Variants in TNRC6B observed in about 807,000 individuals in gnomAD.
TNRC6B encodes trinucleotide repeat containing adaptor 6B.
TNRC6B carries 52 observed loss-of-function variants against 203.6 expected under a neutral mutation model. The ratio of observed to expected loss-of-function variants is 0.26; its 90% CI spans 0.20 to 0.32. The LOEUF (loss-of-function observed/expected upper bound fraction) is 0.32. Among genes scored for constraint, TNRC6B ranks in the 10% least tolerant of loss-of-function variants. The probability of loss-of-function intolerance (pLI) is 1.00; values close to 1 mark genes in which losing one functional copy is unlikely to be tolerated. For missense variants in TNRC6B, 1,923 were observed against 2,286.2 expected, an observed-to-expected ratio of 0.84 and a Z score of 3.24; for synonymous variants, 838 against 845.7, an observed-to-expected ratio of 0.99 and a Z score of 0.16.
intron 3 of TNRC6B, chr22:40,253,555 TAC>T (rs969132855): frequency 2.2e-6 from 1 of 455,364 alleles, no homozygotes. Flanking sequence ...TATAATGAAA[TAC>T]AGTTTCACAG....
intron 12 of TNRC6B, among the ~76,000 whole-genome samples, chr22:40,294,073 C>CAAAAAAAAAAA (rs11354611): frequency 2.5e-5 from 2 of 80,328 alleles, no homozygotes; most frequent in Non-Finnish European, 4.7e-5. Flanking sequence ...CCCATCTCTA[C>CAAAAAAAAAAA]AAAAAAAAAA....
chr22:40,136,371 T>TTTGTG (rs150445100), intron 3 of TNRC6B, among the ~76,000 whole-genome samples: 10 of 141,118 alleles, frequency 7.1e-5, no homozygotes, highest in African/African-American at 1.6e-4. Context: ...TATGTTTATC[T>TTTGTG]TGTGTGTGTG....
Position 40,321,071 on chromosome 22 carries a change from G to A in TNRC6B, c.4975-19G>A. ...ACCCCACCTCCAGTCTTTATCTCAT[G>A]AATGTCATTACTCCTTAGATTGATG... On this transcript the variant is annotated intron_variant, in intron 21 of 22. Coordinates refer to ENST00000454349, the MANE Select transcript of TNRC6B (RefSeq NM_001162501.2). 6.2e-7 allele frequency: 1 copy of A among 1,613,068 alleles called. No individual in the cohort carries two copies. The highest frequency in any genetic ancestry group is 8.5e-7 in the Non-Finnish European group (1 of 1,179,308).
intron 2 of TNRC6B, among the ~76,000 whole-genome samples, chr22:40,124,084 A>C (rs2068467064): frequency 6.6e-6 from 1 of 152,194 alleles, no homozygotes; most frequent in African/African-American, 2.4e-5. Context: ...TACACTTCAC[A>C]TCACATAAAT....
At chr22:40,052,134 C>G (rs764077017) in intron 1 of TNRC6B, among the ~76,000 whole-genome samples, 3 of 152,294 alleles carry the variant, frequency 2.0e-5, no homozygotes, top group East Asian at 1.9e-4. Context: ...AATGTGCCAA[C>G]CTTCCTTGCC....
Position 40,324,290 on chromosome 22 carries a change from G to A in TNRC6B, c.*1049G>A, listed in dbSNP as rs1268124923. The A allele has an allele frequency of 7.3e-6, 1 of 137,194 alleles. No individual in the cohort carries two copies. The highest frequency in any genetic ancestry group is 7.4e-5 in the Admixed American group (1 of 13,590). 8.5% of individuals were successfully genotyped at this position (137,194 alleles called of 1,614,324 possible). The stretch of plus-strand genomic sequence containing the variant: ...TTGGAGCAACGGTGTGTTTATTTCT[G>A]TTTTTTTTTTTTTTTAAGTGAATGG... On this transcript the variant is annotated 3_prime_UTR_variant, in exon 23 of 23. Coordinates refer to ENST00000454349, the MANE Select transcript of TNRC6B (RefSeq NM_001162501.2).
chr22:40,273,009 G>A (rs2070585834), intron 6 of TNRC6B, among the ~76,000 whole-genome samples: 1 of 152,174 alleles, frequency 6.6e-6, no homozygotes, highest in African/African-American at 2.4e-5. Context: ...TATTTATAGT[G>A]TCCATTGTAT....
intron 12 of TNRC6B, among the ~76,000 whole-genome samples, chr22:40,298,073 C>T (rs949868704): frequency 2.0e-4 from 31 of 151,486 alleles, no homozygotes; most frequent in Admixed American, 7.9e-4. Flanking sequence ...TGCAGTGAGC[C>T]GAGATTGCGC....
chr22:40,087,274 A>G (rs897496913), intron 1 of TNRC6B, among the ~76,000 whole-genome samples: 6 of 152,350 alleles, frequency 3.9e-5, no homozygotes, highest in African/African-American at 1.4e-4. Flanking sequence ...AGACTCTGGA[A>G]TGTAGAAATT....
At chr22:40,115,534 T>A (rs1453454299) in intron 1 of TNRC6B, among the ~76,000 whole-genome samples, 1 of 152,158 alleles carries the variant, frequency 6.6e-6, no homozygotes, top group African/African-American at 2.4e-5. Context: ...TGGGATTCAG[T>A]TCAGCTTATG....
chr22:40,173,947 G>A (rs1275469934), upstream of TNRC6B, among the ~76,000 whole-genome samples: 1 of 150,510 alleles, frequency 6.6e-6, no homozygotes, highest in East Asian at 1.9e-4. Context: ...GGGATTACCA[G>A]CAGGTACCAC....
chr22:40,183,479 C>T (rs914862481), intron 1 of TNRC6B, among the ~76,000 whole-genome samples: 1 of 152,144 alleles, frequency 6.6e-6, no homozygotes, highest in Non-Finnish European at 1.5e-5. Context: ...TCTCCAGTTT[C>T]CTTCAGGCTG....
chr22:40,154,860 AATAT>A (rs71199273), intron 3 of TNRC6B, among the ~76,000 whole-genome samples: 242 of 23,546 alleles, frequency 0.01, 1 homozygote, highest in South Asian at 0.015. Context: ...AAAAAAAAAA[AATAT>A]ATATATATAT....
At chr22:40,306,108 C>T (rs1275012688) in intron 15 of TNRC6B, among the ~76,000 whole-genome samples, 7 of 151,798 alleles carry the variant, frequency 4.6e-5, no homozygotes, top group South Asian at 2.1e-4. Flanking sequence ...CTGGCTAACA[C>T]GATGAAACCC....
intron 2 of TNRC6B, among the ~76,000 whole-genome samples, chr22:40,122,814 T>C (rs2068457575): frequency 6.6e-6 from 1 of 152,214 alleles, no homozygotes; most frequent in Non-Finnish European, 1.5e-5. Context: ...CTATTATGTA[T>C]CAAGTGCAAA....
intron 1 of TNRC6B, among the ~76,000 whole-genome samples, chr22:40,226,411 A>C (rs1244893932): frequency 1.6e-4 from 25 of 152,214 alleles, no homozygotes; most frequent in Non-Finnish European, 2.9e-5. Flanking sequence ...ACTTAATAAA[A>C]TGACAGTAGT....
intron 5 of TNRC6B, among the ~76,000 whole-genome samples, chr22:40,267,857 G>T (rs537285902): frequency 6.7e-6 from 1 of 148,656 alleles, no homozygotes; most frequent in Non-Finnish European, 1.5e-5. Context: ...GAGACAGAGC[G>T]AGACCCTGTT....
intron 1 of TNRC6B, among the ~76,000 whole-genome samples, chr22:40,227,358 CTTTTTTTTTTTTT>C (rs71199278): frequency 2.8e-5 from 2 of 71,000 alleles, no homozygotes; most frequent in South Asian, 1.1e-3. Flanking sequence ...CTGAAATTAC[CTTTTTTTTTTTTT>C]TTTTTTTTTT....
At chr22:40,207,400 C>A (rs2069493452) in intron 1 of TNRC6B, among the ~76,000 whole-genome samples, 2 of 115,422 alleles carry the variant, frequency 1.7e-5, no homozygotes, top group Admixed American at 1.1e-4. Flanking sequence ...GAGTGAGACC[C>A]TGCCTCAAAA....
Sources: allele counts gnomAD v4.1 joint callset (sites outside exome capture counted in the v4.1 genomes callset), GRCh38; gene constraint gnomAD v4.1.1; transcripts MANE v1.5; gene names NCBI Gene and HGNC (gene_info 2026-07-23, HGNC 2026-07-21).